MAGI1: variants seen among roughly 807,000 people sequenced by gnomAD.
MAGI1 encodes membrane-associated guanylate kinase, WW and PDZ domain-containing protein 1.
MAGI1 carries 58 observed loss-of-function variants against 139.9 expected under a neutral mutation model. The observed-to-expected ratio is 0.41, with a 90% confidence interval of 0.34 to 0.52. MAGI1 has a LOEUF of 0.52. Ranked by LOEUF, MAGI1 falls within the 20% of genes least tolerant of loss-of-function variation. The pLI is 0.12. For synonymous variants in MAGI1, 812 were observed against 737.9 expected (o/e 1.10, Z -1.63); for missense variants, 1,874 against 1,901.6 (o/e 0.99, Z 0.27).
At chr3:65,358,942 CA>C (rs1160474270) in intron 22 of MAGI1, 14 of 902,172 alleles carry the variant, frequency 1.6e-5, no homozygotes, top group Non-Finnish European at 2.5e-5. Flanking sequence ...GTTGTACTTA[CA>C]ATTCAAAGAA....
Position 65,395,372 on chromosome 3 carries a change from T to C in MAGI1, c.2200-4014A>G, listed in dbSNP as rs1944296299. ...AACAGAAAGAGAAGGCTGGGCATGA[T>C]GGCTCACACATGTAATCCCAGCACT... On this transcript the variant is annotated intron_variant, in intron 13 of 22. Transcript: ENST00000402939. Among the ~76,000 whole-genome samples the C allele has an allele frequency of 5.3e-5, 8 of 152,014 alleles. No homozygotes were observed. The South Asian group carries it at 1.7e-3, about 32-fold the overall frequency.
intron 18 of MAGI1, among the ~76,000 whole-genome samples, chr3:65,374,788 G>A (rs190423706): frequency 6.6e-6 from 1 of 152,176 alleles, no homozygotes; most frequent in East Asian, 1.9e-4. Flanking sequence ...TCCCTGGGGG[G>A]CAGAATCACC....
At chr3:65,955,067 CT>C (rs889059832) in intron 1 of MAGI1, among the ~76,000 whole-genome samples, 1 of 152,116 alleles carries the variant, frequency 6.6e-6, no homozygotes, top group African/African-American at 2.4e-5. Context: ...CCTCTCTCAT[CT>C]GGTCTTTCTT....
At chr3:65,649,335 G>C (rs1213738118) in intron 1 of MAGI1, among the ~76,000 whole-genome samples, 1 of 152,104 alleles carries the variant, frequency 6.6e-6, no homozygotes, top group Non-Finnish European at 1.5e-5. Flanking sequence ...TGAGCTGACT[G>C]CATCACTGCA....
intron 1 of MAGI1, among the ~76,000 whole-genome samples, chr3:66,005,760 G>A (rs979269116): frequency 2.0e-5 from 3 of 152,158 alleles, no homozygotes; most frequent in Non-Finnish European, 4.4e-5. Context: ...AGATTTGGTA[G>A]AGGACAAGAA....
intron 12 of MAGI1, among the ~76,000 whole-genome samples, chr3:65,408,759 G>C (rs1945550188): frequency 6.6e-6 from 1 of 152,178 alleles, no homozygotes; most frequent in South Asian, 2.1e-4. Flanking sequence ...CAGAAAACAG[G>C]AAAAGGTACA....
intron 1 of MAGI1, chr3:65,688,016 A>G: frequency 1.2e-6 from 1 of 834,322 alleles, no homozygotes; most frequent in Non-Finnish European, 2.0e-6. Context: ...CCTGGCTTTG[A>G]GCCCCTCACA....
chr3:65,534,175 A>G (rs1159621154), intron 2 of MAGI1, among the ~76,000 whole-genome samples: 1 of 152,190 alleles, frequency 6.6e-6, no homozygotes, highest in African/African-American at 2.4e-5. Flanking sequence ...GATCACTGGC[A>G]GTCCTATTTC....
chr3:65,938,355 AAAT>A (rs1417104099), intron 1 of MAGI1, among the ~76,000 whole-genome samples: 68 of 148,326 alleles, frequency 4.6e-4, no homozygotes, highest in African/African-American at 1.6e-3. Context: ...GAACTAATAT[AAAT>A]ATTATATTAA....
intron 1 of MAGI1, among the ~76,000 whole-genome samples, chr3:65,859,908 T>G (rs1217496314): frequency 7.9e-6 from 1 of 126,194 alleles, no homozygotes; most frequent in Non-Finnish European, 1.8e-5. Flanking sequence ...TTGTTTTTGT[T>G]TTTTTTTTTT....
intron 6 of MAGI1, among the ~76,000 whole-genome samples, chr3:65,451,467 G>A (rs1349308230): frequency 6.6e-6 from 1 of 152,154 alleles, no homozygotes; most frequent in Non-Finnish European, 1.5e-5. Context: ...TATCCAAAAT[G>A]GTTAGAATCA....
chr3:65,449,223 T>C (rs1008131388), intron 6 of MAGI1, among the ~76,000 whole-genome samples: 1 of 152,038 alleles, frequency 6.6e-6, no homozygotes, highest in Non-Finnish European at 1.5e-5. Context: ...TGTATACATA[T>C]GTAACAAACC....
chr3:65,590,215 C>T (rs1285871184), intron 2 of MAGI1, among the ~76,000 whole-genome samples: 1 of 152,168 alleles, frequency 6.6e-6, no homozygotes, highest in African/African-American at 2.4e-5. Flanking sequence ...TCTTACAACC[C>T]ATGTGACGGT....
intron 13 of MAGI1, among the ~76,000 whole-genome samples, chr3:65,393,656 C>T (rs949944791): frequency 2.0e-5 from 3 of 152,108 alleles, no homozygotes; most frequent in African/African-American, 4.8e-5. Flanking sequence ...AGTGGCATGC[C>T]TCCCTTCAAA....
At chr3:65,704,822 T>G (rs2089847986) in intron 1 of MAGI1, among the ~76,000 whole-genome samples, 1 of 152,088 alleles carries the variant, frequency 6.6e-6, no homozygotes, top group African/African-American at 2.4e-5. Flanking sequence ...TTCTTTTCAG[T>G]TATCCTCTAG....
intron 1 of MAGI1, among the ~76,000 whole-genome samples, chr3:65,924,236 A>G (rs2062381288): frequency 6.6e-6 from 1 of 152,204 alleles, no homozygotes; most frequent in Non-Finnish European, 1.5e-5. Flanking sequence ...TCACTGGACT[A>G]AAGTAGGATC....
intron 1 of MAGI1, among the ~76,000 whole-genome samples, chr3:65,805,543 A>G (rs561760398): frequency 6.6e-6 from 1 of 152,340 alleles, no homozygotes; most frequent in East Asian, 1.9e-4. Context: ...TTCCTCAAGG[A>G]TCTAGAACCA....
At chr3:65,505,373 C>T (rs1271983783) in intron 2 of MAGI1, among the ~76,000 whole-genome samples, 8 of 137,728 alleles carry the variant, frequency 5.8e-5, no homozygotes, top group South Asian at 2.5e-4. Context: ...TTCTAATATT[C>T]GGCAGCTTTC....
At chr3:65,711,765 CA>C in intron 1 of MAGI1, among the ~76,000 whole-genome samples, 1 of 152,276 alleles carries the variant, frequency 6.6e-6, no homozygotes, top group East Asian at 1.9e-4. Flanking sequence ...AGCCAAGGAG[CA>C]AGGTCTCAGA....
Sources: allele counts gnomAD v4.1 joint callset (sites outside exome capture counted in the v4.1 genomes callset), GRCh38; gene constraint gnomAD v4.1.1; transcripts MANE v1.5; gene names NCBI Gene and HGNC (gene_info 2026-07-23, HGNC 2026-07-21).